The following P2RX1 variants were observed in gnomAD, a reference collection of about 807,000 sequenced individuals.
P2RX1 encodes the protein P2X purinoceptor 1.
A neutral mutation model predicts 50.3 loss-of-function variants in P2RX1; 42 were observed. The observed-to-expected ratio is 0.83, with a 90% CI of 0.65 to 1.08. The LOEUF (loss-of-function observed/expected upper bound fraction) is 1.08. P2RX1 is among the 50% of genes least tolerant of loss of function. P2RX1 has a pLI of 0.00. For missense variants in P2RX1, 449 were observed against 529.0 expected (o/e 0.85, Z 1.48); for synonymous variants, 199 against 202.6 (o/e 0.98, Z 0.15).
At chr17:3,906,495 G>A (rs755999892) in intron 1 of P2RX1, among the ~76,000 whole-genome samples, 2 of 152,178 alleles carry the variant, frequency 1.3e-5, no homozygotes, top group African/African-American at 4.8e-5. Context: ...CTCAGAATGG[G>A]GATGGCACAG....
intron 1 of P2RX1, among the ~76,000 whole-genome samples, chr17:3,907,290 C>T (rs952609196): frequency 7.4e-6 from 1 of 134,432 alleles, no homozygotes; most frequent in South Asian, 2.6e-4. Flanking sequence ...TTCAGGGTAA[C>T]GTGTGTGTGT....
chr17:3,899,862 A>G, intron 7 of P2RX1, 101 bp from the exon 8 acceptor site: 1 of 1,464,340 alleles, frequency 6.8e-7, no homozygotes. Context: ...GCACTTTGGG[A>G]GGCAGAGGCG....
Position 3,916,142 on chromosome 17 carries a change from C to A in P2RX1, c.84G>T (p.Lys28Asn). 6.2e-7 allele frequency: 1 copy of A among 1,613,682 alleles called. No homozygotes were observed. ...GGATCAGTCGGAAGATAACGCCCACCTTCTTATTACGCACCAGCACCATGC... is the reference window on the plus strand; with the variant it reads ...GGATCAGTCGGAAGATAACGCCCACATTCTTATTACGCACCAGCACCATGC... ...TPRMVLVRNKKVGVIFRLIQL... is the reference protein window; with the variant it reads ...TPRMVLVRNKNVGVIFRLIQL... The change falls in exon 1 of 12, where the codon AAG (lysine) becomes AAT (asparagine). Residue 28 changes from lysine (K) to asparagine (N), a missense_variant. Coordinates refer to ENST00000225538, the MANE Select transcript of P2RX1 (RefSeq NM_002558.4).
chr17:3,916,416 G>A lies in P2RX1; in HGVS notation c.-191C>T. 1 of 610,586 alleles carries A rather than the reference G, an allele frequency of 1.6e-6. No individual in the cohort carries two copies. Among genetic ancestry groups the A allele is most frequent in the Non-Finnish European group, 2.9e-6 (1 of 347,294 alleles). The allele number at this position is 610,586 out of a possible 1,614,324, so 37.8% of individuals were successfully genotyped here. A position where few individuals can be genotyped will look rare whatever the true frequency, so the allele number is the denominator to read the frequency against. ...GCTGGAGGCACTTGGGTTGGAGAGAGAATCCCTGGGTGATCAGAGCAGCTC... is the reference window on the plus strand; with the variant it reads ...GCTGGAGGCACTTGGGTTGGAGAGAAAATCCCTGGGTGATCAGAGCAGCTC... On this transcript the variant is annotated 5_prime_UTR_variant, in exon 1 of 12. Transcript: ENST00000225538.
At chr17:3,910,569 G>A (rs2056345392) in intron 1 of P2RX1, among the ~76,000 whole-genome samples, 1 of 152,262 alleles carries the variant, frequency 6.6e-6, no homozygotes, top group Non-Finnish European at 1.5e-5. Context: ...GAGGAGCTGG[G>A]ACAGGTGCGG....
intron 3 of P2RX1, 23 bp from the exon 4 acceptor site, chr17:3,904,422 G>C: frequency 6.2e-7 from 1 of 1,608,678 alleles, no homozygotes; most frequent in Non-Finnish European, 8.5e-7. Flanking sequence ...AAAGCTGCTG[G>C]TCCCAGGCCC....
rs1299241937 is a variant in P2RX1, at chr17:3,903,789, AG to A, written c.524+138del. On this transcript the variant is annotated intron_variant, in intron 5 of 11. Transcript: ENST00000225538. The surrounding 1 kb of genome is among the most constrained non-coding windows in gnomAD (Gnocchi z 4.6). Reference sequence around the variant, plus strand: ...GTGTGCTCTAGCGTGGCCAGGACCCAGGGGAATCTTCAGCCTAGGTTGCGCG... The same window carrying A: ...GTGTGCTCTAGCGTGGCCAGGACCCAGGGAATCTTCAGCCTAGGTTGCGCG... 2 of 1,094,156 alleles carry A rather than the reference AG, an allele frequency of 1.8e-6. No homozygotes were observed. Among genetic ancestry groups the A allele is most frequent in the Non-Finnish European group, 2.8e-6 (2 of 722,702 alleles). The allele number at this position is 1,094,156 out of a possible 1,614,324, so 67.8% of individuals were successfully genotyped here.
chr17:3,904,790 G>T, intron 3 of P2RX1, 68 bp downstream of exon 3: 3 of 1,271,944 alleles, frequency 2.4e-6, no homozygotes, highest in Non-Finnish European at 2.3e-6. Flanking sequence ...AGTGCCCCTG[G>T]AGACTTTCTC....
At position 3,903,274 on chromosome 17, in the gene P2RX1, G is replaced by A. The variant is rs200190306; in HGVS notation, c.675C>T (p.Pro225=). 1.8e-5 allele frequency: 29 copies of A among 1,614,174 alleles called. No homozygotes were observed. In the Admixed American group the frequency reaches 3.7e-4, roughly 20 times the overall value. ...AGCCAAGCTGGAAGACTGGGCACAG[G>A]GGGTGCAGGGTCTTGTGAAAGAGGC... ...KTCLFHKTLH[P]LCPVFQLGYV... is the part of the protein sequence containing the mutation. The change falls in exon 7 of 12, where the codon CCC becomes CCT. Residue 225 remains proline, a synonymous_variant. Transcript: ENST00000225538. The surrounding 1 kb of genome is among the most constrained non-coding windows in gnomAD (Gnocchi z 4.6).
Position 3,899,747 on chromosome 17 carries a change from G to A in P2RX1, c.762C>T (p.Gly254=). The change falls in exon 8 of 12, where the codon GGC becomes GGT. Residue 254 remains glycine, a synonymous_variant. Coordinates refer to ENST00000225538, the MANE Select transcript of P2RX1 (RefSeq NM_002558.4). ...STLAEKGGVV[G]ITIDWHCDLD... The stretch of plus-strand genomic sequence containing the variant: ...GGTCACAGTGCCAGTCGATGGTGAT[G>A]CCAACCACTCCACCCTGCCAGGGAC... 1 of 1,613,700 alleles carries A rather than the reference G, an allele frequency of 6.2e-7. No individual in the cohort carries two copies. The highest frequency in any genetic ancestry group is 8.5e-7 in the Non-Finnish European group (1 of 1,179,688).
chr17:3,908,177 G>A (rs1279890616), intron 1 of P2RX1, among the ~76,000 whole-genome samples: 1 of 152,180 alleles, frequency 6.6e-6, no homozygotes, highest in East Asian at 1.9e-4. Flanking sequence ...CCCACAAGCC[G>A]GGGCTGATGC....
intron 1 of P2RX1, among the ~76,000 whole-genome samples, chr17:3,912,021 G>T (rs902005858): frequency 1.3e-5 from 2 of 152,234 alleles, no homozygotes; most frequent in Non-Finnish European, 2.9e-5. Context: ...GGCTAAACTG[G>T]TGAGATGTTA....
intron 1 of P2RX1, among the ~76,000 whole-genome samples, chr17:3,906,358 C>T (rs1049348033): frequency 5.9e-5 from 9 of 152,158 alleles, no homozygotes; most frequent in Non-Finnish European, 1.3e-4. Flanking sequence ...TTCTCGATCT[C>T]TTGACCTAGT....
chr17:3,905,847 CAA>C (rs60059213), intron 1 of P2RX1, among the ~76,000 whole-genome samples: 22,754 of 102,948 alleles, frequency 0.22, 3,078 homozygotes, highest in African/African-American at 0.48. Context: ...AATTCTGTCT[CAA>C]AAAAAAAAAA....
intron 1 of P2RX1, among the ~76,000 whole-genome samples, chr17:3,912,438 C>A (rs1327203359): frequency 1.3e-5 from 2 of 152,032 alleles, no homozygotes; most frequent in East Asian, 3.9e-4. Flanking sequence ...TCAATCGATT[C>A]TCCTGCTTCA....
chr17:3,916,143 T>C lies in P2RX1; in HGVS notation c.83A>G (p.Lys28Arg). The C allele has an allele frequency of 6.2e-7, 1 of 1,613,618 alleles. No individual in the cohort carries two copies. Among genetic ancestry groups the C allele is most frequent in the Non-Finnish European group, 8.5e-7 (1 of 1,180,014 alleles). ...GATCAGTCGGAAGATAACGCCCACC[T>C]TCTTATTACGCACCAGCACCATGCG... ...TPRMVLVRNK[K>R]VGVIFRLIQL... The change falls in exon 1 of 12, where the codon AAG becomes AGG. Residue 28 changes from lysine (K) to arginine (R), a missense_variant. By Grantham distance (26) the Lys-to-Arg change is conservative. Transcript: ENST00000225538.
intron 1 of P2RX1, among the ~76,000 whole-genome samples, chr17:3,912,594 G>A (rs1410930504): frequency 6.6e-6 from 1 of 152,160 alleles, no homozygotes; most frequent in East Asian, 1.9e-4. Flanking sequence ...GCCTCCCAGA[G>A]TGCTGGGATT....
intron 8 of P2RX1, 45 bp downstream of exon 8, chr17:3,899,589 G>A (rs370288280): frequency 4.0e-5 from 65 of 1,608,200 alleles, no homozygotes; most frequent in South Asian, 3.9e-4. Flanking sequence ...AGAAAAGCCC[G>A]CAGGACCACA....
chr17:3,904,183 A>T (rs895034088), intron 4 of P2RX1, 147 bp downstream of exon 4: 16 of 984,422 alleles, frequency 1.6e-5, no homozygotes, highest in Non-Finnish European at 2.2e-5. Context: ...AGGGCGGAGG[A>T]GGGGAGACGG....
Sources: allele counts gnomAD v4.1 joint callset (sites outside exome capture counted in the v4.1 genomes callset), GRCh38; gene constraint gnomAD v4.1.1; non-coding constraint Gnocchi (gnomAD v3.1); transcripts MANE v1.5; gene names NCBI Gene and HGNC (gene_info 2026-07-23, HGNC 2026-07-21).